The following NRXN3 variants were observed in gnomAD, a reference collection of about 807,000 sequenced individuals.
NRXN3 encodes the protein neurexin 3.
In NRXN3, 32 loss-of-function variants were observed where a neutral mutation model predicts 137.6. That is an observed-to-expected ratio of 0.23 (90% CI 0.18 to 0.31). NRXN3 has a LOEUF of 0.31. NRXN3 is among the 10% of genes least tolerant of loss of function. NRXN3 has a pLI of 1.00. For missense variants in NRXN3, 1,574 were observed against 2,062.5 expected (o/e 0.76, Z 4.59); for synonymous variants, 798 against 784.5 (o/e 1.02, Z -0.29).
chr14:79,404,395 A>G (rs2095268479), intron 15 of NRXN3, among the ~76,000 whole-genome samples: 1 of 152,200 alleles, frequency 6.6e-6, no homozygotes. Context: ...TCTACTTGAT[A>G]GACTAGGAAA....
intron 15 of NRXN3, among the ~76,000 whole-genome samples, chr14:79,340,627 G>A (rs148668558): frequency 2.0e-5 from 3 of 152,014 alleles, no homozygotes; most frequent in Admixed American, 1.3e-4. Flanking sequence ...CACCACGCCC[G>A]GCTAATTTTG....
chr14:79,304,876 C>A (rs1175855157), intron 15 of NRXN3, among the ~76,000 whole-genome samples: 1 of 152,036 alleles, frequency 6.6e-6, no homozygotes, highest in Non-Finnish European at 1.5e-5. Context: ...TTATTTAACA[C>A]AGGTCTTTGC....
intron 10 of NRXN3, among the ~76,000 whole-genome samples, chr14:78,858,823 G>A (rs1160277926): frequency 2.0e-5 from 3 of 152,148 alleles, no homozygotes; most frequent in Non-Finnish European, 4.4e-5. Flanking sequence ...AAATATGTGA[G>A]CTCATTTTCT....
chr14:78,218,415 A>G (rs75421864), intron 1 of NRXN3, among the ~76,000 whole-genome samples: 5,151 of 152,224 alleles, frequency 0.034, 119 homozygotes, highest in Non-Finnish European at 0.053. Flanking sequence ...TTATGTCCTT[A>G]CTAGGCACAT....
chr14:79,008,631 G>T (rs2099560930), intron 15 of NRXN3, among the ~76,000 whole-genome samples: 1 of 148,338 alleles, frequency 6.7e-6, no homozygotes, highest in Admixed American at 6.7e-5. Context: ...CAATGAATCT[G>T]ATTTTTTTTC....
intron 10 of NRXN3, among the ~76,000 whole-genome samples, chr14:78,864,398 G>T (rs1186367445): frequency 6.6e-6 from 1 of 152,062 alleles, no homozygotes; most frequent in Non-Finnish European, 1.5e-5. Flanking sequence ...GAAGATTCCT[G>T]CCAGAATTAT....
At chr14:79,393,127 T>C (rs956434946) in intron 15 of NRXN3, among the ~76,000 whole-genome samples, 3 of 152,100 alleles carry the variant, frequency 2.0e-5, no homozygotes, top group African/African-American at 7.2e-5. Flanking sequence ...ATGAGGAACC[T>C]GGCTAATAGT....
intron 9 of NRXN3, among the ~76,000 whole-genome samples, chr14:78,808,065 A>G (rs2098888231): frequency 6.6e-6 from 1 of 152,124 alleles, no homozygotes; most frequent in African/African-American, 2.4e-5. Context: ...ATACATATAT[A>G]CATACACATT....
chr14:78,187,759 C>T (rs541703382), intron 1 of NRXN3, among the ~76,000 whole-genome samples: 13 of 148,974 alleles, frequency 8.7e-5, no homozygotes, highest in Non-Finnish European at 1.6e-4. Context: ...TCGGGGCTAA[C>T]TGAACTATTA....
intron 4 of NRXN3, among the ~76,000 whole-genome samples, chr14:78,376,835 A>G (rs1258786702): frequency 1.3e-5 from 2 of 152,212 alleles, no homozygotes; most frequent in Admixed American, 1.3e-4. Context: ...TTTCACTGCA[A>G]CTGGTAAAAT....
At chr14:79,565,914 C>A (rs1348661394) in intron 16 of NRXN3, among the ~76,000 whole-genome samples, 1 of 152,036 alleles carries the variant, frequency 6.6e-6, no homozygotes, top group Non-Finnish European at 1.5e-5. Flanking sequence ...AAAAATAATT[C>A]AATTTAGAGC....
At chr14:79,135,605 C>T (rs543424644) in intron 15 of NRXN3, among the ~76,000 whole-genome samples, 2 of 152,216 alleles carry the variant, frequency 1.3e-5, no homozygotes, top group South Asian at 4.1e-4. Flanking sequence ...GTATCTCTCT[C>T]CCCCTTACAA....
At chr14:79,811,581 C>CTTT (rs370942970) in intron 20 of NRXN3, among the ~76,000 whole-genome samples, 63 of 116,606 alleles carry the variant, frequency 5.4e-4, no homozygotes, top group African/African-American at 1.1e-3. Flanking sequence ...TTTCTTTTTT[C>CTTT]TTTTTTTTTT....
intron 19 of NRXN3, among the ~76,000 whole-genome samples, chr14:79,740,717 T>TATAC: frequency 1.0e-4 from 1 of 9,964 alleles, no homozygotes; most frequent in East Asian, 3.2e-3. Context: ...GTTTTTTATA[T>TATAC]ATATATATAT....
rs372715848 is a variant in NRXN3, at chr14:79,371,713, G to A, written c.3263-95508G>A. On this transcript the variant is annotated intron_variant, in intron 15 of 20. Transcript: ENST00000335750. ...CTATCAATGATCAGTATGGATCATT[G>A]GATGGCAGTGAACGTATACGTTTGT... Among the ~76,000 whole-genome samples the A allele has an allele frequency of 7.9e-5, 12 of 152,132 alleles. No homozygotes were observed. The East Asian group carries it at 2.1e-3, about 27-fold the overall frequency.
At chr14:79,193,060 C>A (rs377710865) in intron 15 of NRXN3, among the ~76,000 whole-genome samples, 1 of 151,848 alleles carries the variant, frequency 6.6e-6, no homozygotes, top group African/African-American at 2.4e-5. Context: ...TGAGCCACCA[C>A]GCCTGGCTAT....
chr14:79,633,334 T>A (rs1357392734), intron 16 of NRXN3: 1 of 152,184 alleles, frequency 6.6e-6, no homozygotes, highest in Admixed American at 6.5e-5. Context: ...CTATGAGCTG[T>A]TGCTTGGTAA....
At chr14:78,854,558 AGT>A (rs1246149345) in intron 10 of NRXN3, among the ~76,000 whole-genome samples, 1 of 152,136 alleles carries the variant, frequency 6.6e-6, no homozygotes, top group Admixed American at 6.6e-5. Flanking sequence ...GAGCACCTAC[AGT>A]GTTATAGTTA....
At chr14:78,675,905 CTTA>C (rs72276642) in intron 6 of NRXN3, among the ~76,000 whole-genome samples, 28,916 of 151,966 alleles carry the variant, frequency 0.19, 2,827 homozygotes, top group South Asian at 0.24. Context: ...ATTCTTGAAA[CTTA>C]TTATTATATT....
Sources: allele counts gnomAD v4.1 joint callset (sites outside exome capture counted in the v4.1 genomes callset), GRCh38; gene constraint gnomAD v4.1.1; transcripts MANE v1.5; gene names NCBI Gene and HGNC (gene_info 2026-07-23, HGNC 2026-07-21).